RHPN2: variants seen among roughly 807,000 people sequenced by gnomAD.
RHPN2 encodes rhophilin-2.
Under a neutral mutation model 79.0 loss-of-function variants are expected in RHPN2, and 40 were observed. That is an observed-to-expected ratio of 0.51 (90% CI 0.39 to 0.66). RHPN2 has a LOEUF of 0.66. RHPN2 is among the 30% of genes least tolerant of loss of function. RHPN2 has a pLI of 0.00. For synonymous variants in RHPN2, 285 were observed against 363.5 expected (o/e 0.78, Z 2.46); for missense variants, 686 against 883.5 (o/e 0.78, Z 2.83).
At chr19:33,035,460 C>T (rs866684988) in intron 2 of RHPN2, among the ~76,000 whole-genome samples, 102 of 152,226 alleles carry the variant, frequency 6.7e-4, no homozygotes, top group African/African-American at 2.3e-3. Context: ...AAGATGTAGA[C>T]CTCTTTAGGT....
chr19:33,005,304 T>C (rs930847323), intron 7 of RHPN2, among the ~76,000 whole-genome samples: 32 of 148,512 alleles, frequency 2.2e-4, no homozygotes, highest in Non-Finnish European at 4.4e-5. Context: ...TCCCAGCTAC[T>C]CCGGAGGCTG....
chr19:32,986,255 G>A (rs376538019), intron 14 of RHPN2, among the ~76,000 whole-genome samples: 1 of 152,180 alleles, frequency 6.6e-6, no homozygotes, highest in Non-Finnish European at 1.5e-5. Flanking sequence ...TCAAGCCTTT[G>A]CACCTCTCAC....
chr19:33,023,695 G>T (rs1971943064), intron 3 of RHPN2, among the ~76,000 whole-genome samples: 1 of 149,508 alleles, frequency 6.7e-6, no homozygotes. Context: ...TGAGGCAGGA[G>T]AATGGTGTGA....
intron 2 of RHPN2, among the ~76,000 whole-genome samples, chr19:33,042,652 C>A (rs1374638253): frequency 6.6e-6 from 1 of 152,178 alleles, no homozygotes. Context: ...GCAACACAGG[C>A]CAGGCACAGT....
rs1463830075 is a variant in RHPN2 at position 33,064,869 on chromosome 19, C to A, written c.-17G>T. 6.7e-7 allele frequency: 1 copy of A among 1,483,856 alleles called. No homozygotes were observed. The highest frequency in any genetic ancestry group is 2.1e-5 in the Admixed American group (1 of 47,068). The allele number at this position is 1,483,856 out of a possible 1,614,324, so 91.9% of individuals were successfully genotyped here. A position where few individuals can be genotyped will look rare whatever the true frequency, so the allele number is the denominator to read the frequency against. On this transcript the variant is annotated 5_prime_UTR_variant, in exon 1 of 15. Coordinates refer to ENST00000254260, the MANE Select transcript of RHPN2 (RefSeq NM_033103.5). ...GTCGGTCATGCTAGCGGCGCGGGCGCGGAGGGCGGACGGCGGACTGAGGCG... is the reference window on the plus strand; with the variant it reads ...GTCGGTCATGCTAGCGGCGCGGGCGAGGAGGGCGGACGGCGGACTGAGGCG...
chr19:32,979,697 A>T lies in RHPN2; in HGVS notation c.*299T>A. ...AATTTAATAGTGACTAAAAGTCATA[A>T]TTGTCACCATTAAAAATAGCCATAT... On this transcript the variant is annotated 3_prime_UTR_variant, in exon 15 of 15. Transcript: ENST00000254260. 1 of 372,188 alleles carries T rather than the reference A, an allele frequency of 2.7e-6. No individual in the cohort carries two copies. Among genetic ancestry groups the T allele is most frequent in the Non-Finnish European group, 5.0e-6 (1 of 201,886 alleles). The allele number at this position is 372,188 out of a possible 1,614,324, so 23.1% of individuals were successfully genotyped here.
At chr19:33,035,527 G>A (rs1972049188) in intron 2 of RHPN2, among the ~76,000 whole-genome samples, 1 of 152,164 alleles carries the variant, frequency 6.6e-6, no homozygotes, top group Non-Finnish European at 1.5e-5. Context: ...TTTCTGTAAT[G>A]CTGACCTTTG....
At chr19:33,002,124 A>G (rs1971753227) in intron 9 of RHPN2, 123 bp downstream of exon 9, 9 of 1,245,150 alleles carry the variant, frequency 7.2e-6, no homozygotes, top group Non-Finnish European at 1.0e-5. Flanking sequence ...GGTCACTCCC[A>G]TCCTCTGCCT....
chr19:32,996,947 G>A (rs1971707151), intron 10 of RHPN2, among the ~76,000 whole-genome samples: 1 of 152,008 alleles, frequency 6.6e-6, no homozygotes, highest in African/African-American at 2.4e-5. Flanking sequence ...GCACGCTGGA[G>A]TACAGTGGTG....
chr19:33,003,052 C>A, intron 7 of RHPN2, 52 bp from the exon 8 acceptor site: 1 of 1,543,992 alleles, frequency 6.5e-7, no homozygotes, highest in South Asian at 1.1e-5. Flanking sequence ...TTTACTTCAT[C>A]ACGTTGCTAT....
At position 32,979,807 on chromosome 19, in the gene RHPN2, C is replaced by G; in HGVS notation, c.*189G>C. ...TATAGTAACACACCTCAAAAAAGTT[C>G]TTTTTTCACTAATTCCTAGAGGTTT... On this transcript the variant is annotated 3_prime_UTR_variant, in exon 15 of 15. Transcript: ENST00000254260. The G allele has an allele frequency of 1.5e-6, 1 of 661,402 alleles. No homozygotes were observed. The highest frequency in any genetic ancestry group is 2.8e-5 in the East Asian group (1 of 36,300). The allele number at this position is 661,402 out of a possible 1,614,324, so 41.0% of individuals were successfully genotyped here.
intron 3 of RHPN2, among the ~76,000 whole-genome samples, chr19:33,023,135 T>A (rs1288591361): frequency 6.6e-6 from 1 of 152,082 alleles, no homozygotes; most frequent in Non-Finnish European, 1.5e-5. Flanking sequence ...CAGTCTACTT[T>A]GAAAACACAG....
intron 14 of RHPN2, among the ~76,000 whole-genome samples, chr19:32,986,240 G>C (rs1599805625): frequency 6.6e-6 from 1 of 152,214 alleles, no homozygotes; most frequent in African/African-American, 2.4e-5. Context: ...TCACAGGCTT[G>C]AAAGTCAAGC....
intron 2 of RHPN2, among the ~76,000 whole-genome samples, chr19:33,040,072 C>A (rs1972088213): frequency 6.6e-6 from 1 of 152,080 alleles, no homozygotes; most frequent in South Asian, 2.1e-4. Flanking sequence ...TTAAAGCCCA[C>A]CTGATCCCTG....
Position 33,028,634 on chromosome 19 carries a change from T to C in RHPN2, c.186-2002A>G, listed in dbSNP as rs148305590. 1.8e-3 allele frequency among the ~76,000 whole-genome samples: 267 copies of C among 152,294 alleles called. 2 individuals are homozygous for C. Among genetic ancestry groups the C allele is most frequent in the African/African-American group, 5.7e-3 (238 of 41,564 alleles). ...TAAAAGAAGAGCTATTCTATGTTTA[T>C]GGATGGGAAGGCTCATTATTGTCAA... On this transcript the variant is annotated intron_variant, in intron 2 of 14. Coordinates refer to ENST00000254260, the MANE Select transcript of RHPN2 (RefSeq NM_033103.5).
chr19:33,025,521 T>C (rs1971958950), intron 3 of RHPN2, among the ~76,000 whole-genome samples: 1 of 151,104 alleles, frequency 6.6e-6, no homozygotes, highest in Non-Finnish European at 1.5e-5. Flanking sequence ...AGGAGACTGG[T>C]GTGTTACTTT....
At chr19:33,007,551 G>C (rs1971801597) in intron 7 of RHPN2, among the ~76,000 whole-genome samples, 1 of 151,876 alleles carries the variant, frequency 6.6e-6, no homozygotes, top group Non-Finnish European at 1.5e-5. Context: ...AATACGCACT[G>C]ATAAGGTACA....
At chr19:33,032,902 G>A (rs912143976) in intron 2 of RHPN2, among the ~76,000 whole-genome samples, 1 of 152,144 alleles carries the variant, frequency 6.6e-6, no homozygotes, top group African/African-American at 2.4e-5. Context: ...ATTTCACAAA[G>A]TATAGAGGAC....
At chr19:33,056,403 C>G (rs1972233508) in intron 1 of RHPN2, among the ~76,000 whole-genome samples, 1 of 152,102 alleles carries the variant, frequency 6.6e-6, no homozygotes, top group African/African-American at 2.4e-5. Context: ...TGAGCCACCA[C>G]CCCCGGCCTT....
Sources: gnomAD v4.1 joint callset for allele counts (sites outside exome capture counted in the v4.1 genomes callset) on GRCh38, gnomAD v4.1.1 for gene constraint, MANE v1.5 for transcripts, NCBI Gene and HGNC (gene_info 2026-07-23, HGNC 2026-07-21) for gene names.